Variants in DIAPH3 observed in about 807,000 individuals in gnomAD.
DIAPH3 encodes protein diaphanous homolog 3.
DIAPH3 carries 117 observed loss-of-function variants against 144.3 expected under a neutral mutation model. The ratio of observed to expected loss-of-function variants is 0.81; its 90% confidence interval spans 0.70 to 0.95. The LOEUF (loss-of-function observed/expected upper bound fraction) is 0.95. Ranked by LOEUF, DIAPH3 falls within the 40% of genes least tolerant of loss-of-function variation. DIAPH3 has a pLI of 0.00. For missense variants in DIAPH3, 1,421 were observed against 1,412.7 expected (o/e 1.01, Z -0.09); for synonymous variants, 519 against 488.9 (o/e 1.06, Z -0.81).
intron 1 of DIAPH3, among the ~76,000 whole-genome samples, chr13:60,156,929 ATATATATATATTTTTTTTTT>A (rs1174791699): frequency 2.0e-5 from 1 of 51,062 alleles, no homozygotes; most frequent in African/African-American, 9.0e-5. Context: ...ATATATATAT[ATATATATATATTTTTTTTTT>A]TTTTTTTTTT....
intron 15 of DIAPH3, among the ~76,000 whole-genome samples, chr13:59,971,604 T>A (rs1351025039): frequency 6.6e-6 from 1 of 152,136 alleles, no homozygotes; most frequent in South Asian, 2.1e-4. Flanking sequence ...AAGTAAGAAA[T>A]AAGATTTCAA....
chr13:60,130,537 T>C (rs1355079687), intron 2 of DIAPH3, among the ~76,000 whole-genome samples: 2 of 152,072 alleles, frequency 1.3e-5, no homozygotes, highest in African/African-American at 4.8e-5. Flanking sequence ...TCCCTTACCT[T>C]GTGCAAAAAA....
chr13:59,890,078 T>C (rs2045694901), intron 20 of DIAPH3, among the ~76,000 whole-genome samples: 1 of 152,132 alleles, frequency 6.6e-6, no homozygotes, highest in East Asian at 1.9e-4. Context: ...ACCTCTAGTA[T>C]CTCTGTTCCA....
intron 27 of DIAPH3, among the ~76,000 whole-genome samples, chr13:59,746,777 T>C (rs571242023): frequency 6.6e-6 from 1 of 152,216 alleles, no homozygotes; most frequent in Admixed American, 6.5e-5. Context: ...AGCTGCCCAC[T>C]TGCTTATGAC....
chr13:59,828,144 C>T (rs1274701488), intron 24 of DIAPH3, among the ~76,000 whole-genome samples: 2 of 151,954 alleles, frequency 1.3e-5, no homozygotes, highest in Non-Finnish European at 2.9e-5. Context: ...GATATTTCCA[C>T]CTAGTACCTC....
rs80009582 is a variant in DIAPH3 at position 60,038,098 on chromosome 13, G to A, written c.626+4592C>T. ...TGATAAACCCAAAACTCAGGATAGT[G>A]GTTACCACAGAATAGTAGGGGGAAG... On this transcript the variant is annotated intron_variant, in intron 5 of 27. Transcript: ENST00000400324. Among the ~76,000 whole-genome samples, 1,262 of 152,046 alleles carry A rather than the reference G, an allele frequency of 8.3e-3. 22 individuals are homozygous for A. The highest frequency in any genetic ancestry group is 0.029 in the African/African-American group (1,184 of 41,516).
At chr13:60,125,105 T>C (rs1375473831) in intron 2 of DIAPH3, among the ~76,000 whole-genome samples, 1 of 152,206 alleles carries the variant, frequency 6.6e-6, no homozygotes, top group Non-Finnish European at 1.5e-5. Flanking sequence ...TGTGTTTATA[T>C]AGTAAACATT....
At chr13:60,158,246 G>T (rs749712027) in intron 1 of DIAPH3, among the ~76,000 whole-genome samples, 1 of 152,136 alleles carries the variant, frequency 6.6e-6, no homozygotes, top group African/African-American at 2.4e-5. Context: ...AGCCAATACT[G>T]GATGCAAAGT....
intron 22 of DIAPH3, among the ~76,000 whole-genome samples, chr13:59,851,104 G>A (rs1400055301): frequency 6.6e-6 from 1 of 151,862 alleles, no homozygotes; most frequent in Non-Finnish European, 1.5e-5. Context: ...TATCCTTGAT[G>A]AACATTGATG....
rs751425077 is a variant in DIAPH3, at chr13:59,991,173, T to C, written c.1346A>G (p.Asn449Ser). Residue 449 changes from asparagine to serine, a missense_variant, in exon 12 of 28, where the codon AAT (asparagine) becomes AGT (serine). Transcript: ENST00000400324. The stretch of plus-strand genomic sequence containing the variant: ...TTCCTCTTACCTTATAAAATAATCA[T>C]TTCGAATCAGCAAAAGATGCTGAAG... ...SILQHLLLIR[N>S]DYFIRQQYFK... 1 of 1,601,278 alleles carries C rather than the reference T, an allele frequency of 6.2e-7. No homozygotes were observed. Among genetic ancestry groups the C allele is most frequent in the Non-Finnish European group, 8.5e-7 (1 of 1,170,138 alleles).
At chr13:59,901,744 A>T (rs543032327) in intron 20 of DIAPH3, among the ~76,000 whole-genome samples, 1 of 152,378 alleles carries the variant, frequency 6.6e-6, no homozygotes, top group East Asian at 1.9e-4. Context: ...AAGAAAATTT[A>T]TCAGACAATG....
chr13:59,779,246 A>T (rs1259419377), intron 25 of DIAPH3, among the ~76,000 whole-genome samples: 1 of 152,226 alleles, frequency 6.6e-6, no homozygotes, highest in South Asian at 2.1e-4. Context: ...TGAGCTTTCA[A>T]CTAACTACCT....
intron 27 of DIAPH3, among the ~76,000 whole-genome samples, chr13:59,685,306 T>G (rs77896986): frequency 0.044 from 6,639 of 152,242 alleles, 223 homozygotes; most frequent in South Asian, 0.1. Context: ...TGAGTAGTAA[T>G]GAATACATTA....
intron 14 of DIAPH3, among the ~76,000 whole-genome samples, chr13:59,974,831 T>C (rs2050579251): frequency 6.6e-6 from 1 of 152,106 alleles, no homozygotes; most frequent in African/African-American, 2.4e-5. Flanking sequence ...ATCTTCCACC[T>C]GCAAAAACTT....
intron 25 of DIAPH3, among the ~76,000 whole-genome samples, chr13:59,808,591 T>C (rs934852869): frequency 2.0e-5 from 3 of 152,174 alleles, no homozygotes; most frequent in African/African-American, 7.2e-5. Context: ...AAACATTTTC[T>C]ATTTATGGAC....
rs2058014276 is a variant in DIAPH3 at position 60,093,429 on chromosome 13, C to G, written c.495+199G>C. On this transcript the variant is annotated intron_variant, in intron 4 of 27. Transcript: ENST00000400324. Reference sequence around the variant, plus strand: ...CTTAGCAATGTAACTAGCTAAAAAACAGAAGCAGCTTAAAAGTTTTAAGAT... The same window carrying G: ...CTTAGCAATGTAACTAGCTAAAAAAGAGAAGCAGCTTAAAAGTTTTAAGAT... Among the ~76,000 whole-genome samples the G allele has an allele frequency of 3.9e-5, 6 of 152,138 alleles. 1 individual carries two copies. Among genetic ancestry groups the G allele is most frequent in the Admixed American group, 3.9e-4 (6 of 15,268 alleles).
chr13:59,983,879 T>C lies in DIAPH3; in HGVS notation c.1370A>G (p.Tyr457Cys), dbSNP rs1566612345. 6.3e-7 allele frequency: 1 copy of C among 1,595,664 alleles called. No individual in the cohort carries two copies. Among genetic ancestry groups the C allele is most frequent in the Non-Finnish European group, 8.6e-7 (1 of 1,164,708 alleles). The part of the protein sequence containing the change: ...IRNDYFIRQQ[Y>C]FKLIDECVSQ... Reference sequence around the variant, plus strand: ...TACACACTCATCAATTAATTTGAAGTATTGTTGCCTAAAACCAAAGAAAAG... The same window carrying C: ...TACACACTCATCAATTAATTTGAAGCATTGTTGCCTAAAACCAAAGAAAAG... The change falls in exon 13 of 28, where the codon TAC (tyrosine) becomes TGC (cysteine). Residue 457 changes from tyrosine (Y) to cysteine (C), a missense_variant. Coordinates refer to ENST00000400324, the MANE Select transcript of DIAPH3 (RefSeq NM_001042517.2).
chr13:59,836,222 A>G (rs944203697), intron 23 of DIAPH3, among the ~76,000 whole-genome samples: 3 of 151,846 alleles, frequency 2.0e-5, no homozygotes, highest in African/African-American at 7.2e-5. Flanking sequence ...AAAATAAGAC[A>G]TATCACAGAA....
At chr13:59,758,544 T>A (rs1444436581) in intron 27 of DIAPH3, among the ~76,000 whole-genome samples, 2 of 152,234 alleles carry the variant, frequency 1.3e-5, no homozygotes, top group Admixed American at 1.3e-4. Context: ...CTTGATCTGG[T>A]TATACAGGCA....
Sources: allele counts gnomAD v4.1 joint callset (sites outside exome capture counted in the v4.1 genomes callset), GRCh38; gene constraint gnomAD v4.1.1; transcripts MANE v1.5; gene names NCBI Gene and HGNC (gene_info 2026-07-23, HGNC 2026-07-21).